LOC128462377: variants seen among roughly 807,000 people sequenced by gnomAD.
chr16:89,330,440 G>A, the LOC128462377 span, among the ~76,000 whole-genome samples: 1 of 152,080 alleles, frequency 6.6e-6, no homozygotes, highest in Non-Finnish European at 1.5e-5. Context: ...CTGGCAGAAG[G>A]CCCAAATTCC....
the LOC128462377 span, among the ~76,000 whole-genome samples, chr16:89,387,350 T>C: frequency 1.4e-4 from 21 of 152,092 alleles, no homozygotes; most frequent in Non-Finnish European, 2.6e-4. Context: ...CCTCCCACTC[T>C]GCACCACAGG....
the LOC128462377 span, among the ~76,000 whole-genome samples, chr16:89,360,076 A>AC: frequency 6.6e-6 from 1 of 151,272 alleles, no homozygotes; most frequent in Non-Finnish European, 1.5e-5. Flanking sequence ...CCTCAAGTAG[A>AC]CCCCCGTGTC....
the LOC128462377 span, among the ~76,000 whole-genome samples, chr16:89,392,893 G>C: frequency 6.6e-6 from 1 of 151,916 alleles, no homozygotes; most frequent in African/African-American, 2.4e-5. Flanking sequence ...GAGTGAACTT[G>C]TGTCTAATCA....
the LOC128462377 span, chr16:89,323,676 C>T: frequency 3.3e-6 from 1 of 306,960 alleles, no homozygotes; most frequent in Non-Finnish European, 6.3e-6. Context: ...CCTGACAGTC[C>T]ACGTCAGCGT....
chr16:89,379,477 C>G, the LOC128462377 span, among the ~76,000 whole-genome samples: 3 of 152,334 alleles, frequency 2.0e-5, no homozygotes, highest in Non-Finnish European at 4.4e-5. Context: ...CTCTGCTTTC[C>G]AGGAGTCCAA....
At chr16:89,394,801 G>A in the LOC128462377 span, among the ~76,000 whole-genome samples, 482 of 152,214 alleles carry the variant, frequency 3.2e-3, 2 homozygotes, top group African/African-American at 0.011. Flanking sequence ...ATATGGCCCC[G>A]AGAGTTACAC....
At chr16:89,318,137 G>A in the LOC128462377 span, among the ~76,000 whole-genome samples, 4 of 152,178 alleles carry the variant, frequency 2.6e-5, no homozygotes, top group Non-Finnish European at 5.9e-5. Context: ...GCCCCTCTGC[G>A]ACACACGGTG....
the LOC128462377 span, among the ~76,000 whole-genome samples, chr16:89,369,433 G>A: frequency 9.2e-5 from 14 of 152,202 alleles, no homozygotes; most frequent in African/African-American, 3.4e-4. Context: ...GCAAGGGTGC[G>A]CCTCCACGGC....
At chr16:89,327,834 G>A in the LOC128462377 span, among the ~76,000 whole-genome samples, 1,447 of 152,266 alleles carry the variant, frequency 9.5e-3, 35 homozygotes, top group African/African-American at 0.032. Context: ...AGGGCCAAGA[G>A]TTGTCAGACA....
the LOC128462377 span, among the ~76,000 whole-genome samples, chr16:89,319,300 T>A: frequency 2.0e-5 from 3 of 152,246 alleles, no homozygotes; most frequent in African/African-American, 7.2e-5. Flanking sequence ...ATTCTCTTCA[T>A]GTCCCTAGCT....
At chr16:89,348,954 C>T in the LOC128462377 span, among the ~76,000 whole-genome samples, 1 of 149,366 alleles carries the variant, frequency 6.7e-6, no homozygotes, top group Non-Finnish European at 1.5e-5. Flanking sequence ...ATGGTGAAGC[C>T]TCATTTCTAC....
the LOC128462377 span, among the ~76,000 whole-genome samples, chr16:89,402,737 T>A: frequency 4.1e-4 from 45 of 110,812 alleles, no homozygotes; most frequent in East Asian, 0.011. Flanking sequence ...CTCTGTGGGG[T>A]GAGATAGGGG....
the LOC128462377 span, among the ~76,000 whole-genome samples, chr16:89,416,229 C>T: frequency 6.6e-6 from 1 of 152,102 alleles, no homozygotes; most frequent in Non-Finnish European, 1.5e-5. Flanking sequence ...AGGCCAATTC[C>T]AGGTCCTGTC....
the LOC128462377 span, among the ~76,000 whole-genome samples, chr16:89,375,136 C>A: frequency 6.6e-6 from 1 of 152,044 alleles, no homozygotes; most frequent in East Asian, 1.9e-4. Flanking sequence ...CAGTGCGGGA[C>A]ATACCACACT....
chr16:89,371,637 C>A, the LOC128462377 span, among the ~76,000 whole-genome samples: 1 of 152,170 alleles, frequency 6.6e-6, no homozygotes, highest in African/African-American at 2.4e-5. Flanking sequence ...TGACGACACC[C>A]AAGGAGGGGT....
the LOC128462377 span, among the ~76,000 whole-genome samples, chr16:89,359,647 G>C: frequency 6.6e-6 from 1 of 152,286 alleles, no homozygotes; most frequent in Non-Finnish European, 1.5e-5. Context: ...TACCACGAAG[G>C]TAGCCGGCTG....
At chr16:89,336,282 G>A in the LOC128462377 span, among the ~76,000 whole-genome samples, 6 of 152,186 alleles carry the variant, frequency 3.9e-5, no homozygotes, top group Non-Finnish European at 5.9e-5. Flanking sequence ...AGCAGGTGCC[G>A]GGGAGCAGCC....
chr16:89,382,639 CAAAT>C, the LOC128462377 span, among the ~76,000 whole-genome samples: 1 of 151,538 alleles, frequency 6.6e-6, no homozygotes, highest in Non-Finnish European at 1.5e-5. Context: ...ACTTGGCCGA[CAAAT>C]AAACAATTCC....
chr16:89,416,633 A>G, the LOC128462377 span, among the ~76,000 whole-genome samples: 2 of 151,554 alleles, frequency 1.3e-5, no homozygotes, highest in African/African-American at 4.8e-5. Flanking sequence ...TTTTCACACT[A>G]GTAAGCAGCA....
Sources: allele counts gnomAD v4.1 joint callset (sites outside exome capture counted in the v4.1 genomes callset), GRCh38; gene constraint gnomAD v4.1.1; transcripts MANE v1.5.